CHRNA6: variants seen among roughly 807,000 people sequenced by gnomAD.
The protein encoded by CHRNA6 is cholinergic receptor nicotinic alpha 6 subunit, also known as neuronal acetylcholine receptor subunit alpha-6.
CHRNA6 carries 31 observed loss-of-function variants against 40.9 expected under a neutral mutation model. The ratio of observed to expected loss-of-function variants is 0.76; its 90% CI spans 0.57 to 1.02. CHRNA6 has a LOEUF of 1.02. Ranked by LOEUF, CHRNA6 falls within the 50% of genes least tolerant of loss-of-function variation. The probability of loss-of-function intolerance (pLI) is 0.00; values close to 1 mark genes in which losing one functional copy is unlikely to be tolerated. For missense variants in CHRNA6, 546 were observed against 596.6 expected (o/e 0.92, Z 0.88); for synonymous variants, 222 against 221.3 (o/e 1.00, Z -0.03).
chr8:42,757,163 C>G (rs1247315191), intron 3 of CHRNA6, 126 bp from the exon 4 acceptor site: 7 of 657,706 alleles, frequency 1.1e-5, no homozygotes, highest in South Asian at 9.0e-5. Flanking sequence ...GTCAGGAGGT[C>G]GAGACCAGCC....
intron 2 of CHRNA6, among the ~76,000 whole-genome samples, chr8:42,760,120 T>C (rs1337027262): frequency 6.6e-6 from 1 of 152,170 alleles, no homozygotes; most frequent in African/African-American, 2.4e-5. Flanking sequence ...AAATTACTAA[T>C]ACATCTATAC....
intron 2 of CHRNA6, among the ~76,000 whole-genome samples, chr8:42,763,542 G>A (rs1434571750): frequency 6.6e-6 from 1 of 152,160 alleles, no homozygotes. Flanking sequence ...GGGTTATGGA[G>A]AGACGCCATG....
chr8:42,753,406 G>T, intron 5 of CHRNA6, 96 bp from the exon 6 acceptor site: 2 of 1,190,656 alleles, frequency 1.7e-6, no homozygotes, highest in Non-Finnish European at 2.4e-6. Flanking sequence ...TTTTGAAGAA[G>T]ATTTCTCCGG....
intron 3 of CHRNA6, among the ~76,000 whole-genome samples, chr8:42,758,567 T>C (rs1816846777): frequency 6.6e-6 from 1 of 152,144 alleles, no homozygotes; most frequent in South Asian, 2.1e-4. Flanking sequence ...TTTCACCATG[T>C]TGGCCAAGTT....
intron 2 of CHRNA6, among the ~76,000 whole-genome samples, chr8:42,763,590 G>A (rs778509909): frequency 4.6e-5 from 7 of 152,130 alleles, no homozygotes; most frequent in Admixed American, 2.0e-4. Flanking sequence ...AGGAAACTCA[G>A]TTCAGCTCTT....
intron 2 of CHRNA6, among the ~76,000 whole-genome samples, chr8:42,761,897 C>CA (rs1245437300): frequency 1.3e-5 from 2 of 152,192 alleles, no homozygotes; most frequent in Non-Finnish European, 2.9e-5. Flanking sequence ...AGACTCGGAT[C>CA]AAAAAGACCA....
In CHRNA6 at chr8:42,756,569, A is replaced by G; in HGVS notation, c.630T>C (p.Asp210=). Residue 210 remains aspartate, a synonymous_variant, in exon 5 of 6, where the codon GAT becomes GAC. Transcript: ENST00000276410. ...TGATGTCATGTTTGTAGCCAGAGGC[A>G]TCAATGATTTCCCATTCACTGTTTT... is the stretch of plus-strand genomic sequence containing the variant. ...FWENSEWEII[D]ASGYKHDIKY... is the part of the protein sequence containing the mutation. 6.2e-7 allele frequency: 1 copy of G among 1,614,144 alleles called. No individual in the cohort carries two copies. Among genetic ancestry groups the G allele is most frequent in the African/African-American group, 1.3e-5 (1 of 75,064 alleles).
chr8:42,754,698 A>T (rs925507652), intron 5 of CHRNA6, among the ~76,000 whole-genome samples: 1 of 152,202 alleles, frequency 6.6e-6, no homozygotes, highest in African/African-American at 2.4e-5. Context: ...CCTGAGTTTC[A>T]GATGCCTTCC....
In CHRNA6 at chr8:42,756,501, G is replaced by A. The variant is rs369966241; in HGVS notation, c.698C>T (p.Ser233Phe). ...CEEIYTDITY[S>F]FYIRRLPMFY... ...CATCGGCAATCTTCTAATGTAGAAAGAATAGGTTATATCTGTGTATATCTC... is the reference window on the plus strand; with the variant it reads ...CATCGGCAATCTTCTAATGTAGAAAAAATAGGTTATATCTGTGTATATCTC... Residue 233 changes from serine to phenylalanine, a missense_variant, in exon 5 of 6, where the codon TCT (serine) becomes TTT (phenylalanine). Transcript: ENST00000276410. 8 of 1,613,944 alleles carry A rather than the reference G, an allele frequency of 5.0e-6. No individual in the cohort carries two copies. The highest frequency in any genetic ancestry group is 2.2e-5 in the East Asian group (1 of 44,900).
intron 1 of CHRNA6, among the ~76,000 whole-genome samples, chr8:42,766,494 A>AAAAGAAAGAAGAAAG (rs1816977024): frequency 6.9e-6 from 1 of 144,972 alleles, no homozygotes; most frequent in African/African-American, 2.7e-5. Flanking sequence ...TCCGTCTCAA[A>AAAAGAAAGAAGAAAG]AAAGAAAGAA....
At chr8:42,767,604 G>A (rs1328533532) in intron 1 of CHRNA6, among the ~76,000 whole-genome samples, 2 of 152,140 alleles carry the variant, frequency 1.3e-5, no homozygotes, top group African/African-American at 4.8e-5. Flanking sequence ...GTTGCCTGAC[G>A]AATACCTTAG....
chr8:42,768,733 G>A lies in CHRNA6; in HGVS notation c.-303C>T. ...GGAAGAAAAGCAGAAAAGAAATGCT[G>A]GGGCAGACAGGACCCCGGGAGGATG... On this transcript the variant is annotated 5_prime_UTR_variant, in exon 1 of 6. Coordinates refer to ENST00000276410, the MANE Select transcript of CHRNA6 (RefSeq NM_004198.3). 1 of 263,092 alleles carries A rather than the reference G, an allele frequency of 3.8e-6. No individual in the cohort carries two copies. Among genetic ancestry groups the A allele is most frequent in the South Asian group, 8.1e-5 (1 of 12,406 alleles). 16.3% of individuals were successfully genotyped at this position (263,092 alleles called of 1,614,324 possible). A position where few individuals can be genotyped will look rare whatever the true frequency, so the allele number is the denominator to read the frequency against.
chr8:42,767,674 T>G (rs141620594), intron 1 of CHRNA6, among the ~76,000 whole-genome samples: 74 of 152,344 alleles, frequency 4.9e-4, no homozygotes, highest in African/African-American at 1.7e-3. Context: ...AACATCATTC[T>G]TGCCATCATA....
intron 2 of CHRNA6, among the ~76,000 whole-genome samples, chr8:42,761,376 T>C (rs1453564147): frequency 6.6e-6 from 1 of 152,212 alleles, no homozygotes; most frequent in African/African-American, 2.4e-5. Flanking sequence ...AGGGGCCATG[T>C]CCATAAATCC....
In CHRNA6 at chr8:42,756,270, G is replaced by C; in HGVS notation, c.929C>G (p.Thr310Ser). Residue 310 changes from threonine (T) to serine (S), a missense_variant, in exon 5 of 6, where the codon ACC (threonine) becomes AGC (serine). By Grantham distance (58) the Thr-to-Ser change is moderately conservative. Coordinates refer to ENST00000276410, the MANE Select transcript of CHRNA6 (RefSeq NM_004198.3). ...GATGGACAGTGTGACAAAGATCATG[G>C]TGAACAGCAGGTACTCACCCACCAG... ...VPLVGEYLLFTMIFVTLSIVV... is the reference protein window; with the variant it reads ...VPLVGEYLLFSMIFVTLSIVV... The C allele has an allele frequency of 2.5e-6, 4 of 1,614,248 alleles. No homozygotes were observed. Among genetic ancestry groups the C allele is most frequent in the Non-Finnish European group, 3.4e-6 (4 of 1,180,044 alleles).
At position 42,756,374 on chromosome 8, in the gene CHRNA6, A is replaced by ATTTCAC; in HGVS notation, c.824_825insGTGAAA (p.Cys275delinsTrpTer). On this transcript the variant is annotated stop_gained and protein_altering_variant, in exon 5 of 6. Coordinates refer to ENST00000276410, the MANE Select transcript of CHRNA6 (RefSeq NM_004198.3). LOFTEE classifies it high-confidence loss of function. ...CAGTCAGAGAAAGCAGGACTGAAAT[A>ATTTCAC]CAAAGCGTCACTTTTTCACCACAGT... is the stretch of plus-strand genomic sequence containing the variant. 6.2e-7 allele frequency: 1 copy of ATTTCAC among 1,614,272 alleles called. No individual in the cohort carries two copies. Among genetic ancestry groups the ATTTCAC allele is most frequent in the South Asian group, 1.1e-5 (1 of 91,084 alleles).
intron 2 of CHRNA6, among the ~76,000 whole-genome samples, chr8:42,760,337 C>CGT (rs377487956): frequency 6.7e-5 from 10 of 149,810 alleles, no homozygotes; most frequent in African/African-American, 2.0e-4. Flanking sequence ...CACACTCATG[C>CGT]GCACACACAC....
At position 42,768,603 on chromosome 8, in the gene CHRNA6, C is replaced by T. The variant is rs1817003807; in HGVS notation, c.-173G>A. ...GACTTCACACGGTTATTACCAGGAT[C>T]AGAGACTGAGGCAGACATGAAGGGC... is the stretch of plus-strand genomic sequence containing the variant. On this transcript the variant is annotated 5_prime_UTR_variant, in exon 1 of 6. Transcript: ENST00000276410. 1 of 535,846 alleles carries T rather than the reference C, an allele frequency of 1.9e-6. No individual in the cohort carries two copies. Among genetic ancestry groups the T allele is most frequent in the Non-Finnish European group, 3.4e-6 (1 of 294,998 alleles). 33.2% of individuals were successfully genotyped at this position (535,846 alleles called of 1,614,324 possible).
chr8:42,762,377 G>A (rs1034097801), intron 2 of CHRNA6, among the ~76,000 whole-genome samples: 19 of 152,242 alleles, frequency 1.2e-4, no homozygotes, highest in African/African-American at 4.6e-4. Context: ...TGGTCCAGGT[G>A]TGGTGGCTCA....
Sources: gnomAD v4.1 joint callset for allele counts (sites outside exome capture counted in the v4.1 genomes callset) on GRCh38, gnomAD v4.1.1 for gene constraint, MANE v1.5 for transcripts, NCBI Gene and HGNC (gene_info 2026-07-23, HGNC 2026-07-21) for gene names.